The following NAALADL2 variants were observed in gnomAD, a reference collection of about 807,000 sequenced individuals.
NAALADL2 encodes N-acetylated alpha-linked acidic dipeptidase like 2.
In NAALADL2, 76 loss-of-function variants were observed where a neutral mutation model predicts 87.2. That is an observed-to-expected ratio of 0.87 (90% CI 0.72 to 1.05). NAALADL2 has a LOEUF of 1.05. Among genes scored for constraint, NAALADL2 ranks in the 50% least tolerant of loss-of-function variants. The pLI, the probability that NAALADL2 is intolerant of heterozygous loss-of-function variation, is 0.00. For missense variants in NAALADL2, 1,089 were observed against 945.8 expected (o/e 1.15, Z -1.99); for synonymous variants, 354 against 331.0 (o/e 1.07, Z -0.75).
chr3:175,088,350 G>A (rs9855663), intron 1 of NAALADL2, among the ~76,000 whole-genome samples: 28,180 of 152,114 alleles, frequency 0.19, 2,702 homozygotes, highest in East Asian at 0.32. Context: ...GACATACTGT[G>A]CAAATGTGTT....
chr3:174,912,308 AT>A lies in NAALADL2; in HGVS notation c.43+52869del, dbSNP rs879309442. Among the ~76,000 whole-genome samples, 569 of 148,736 alleles carry A rather than the reference AT, an allele frequency of 3.8e-3. 4 individuals are homozygous for A. The highest frequency in any genetic ancestry group is 0.031 in the Middle Eastern group (9 of 286). ...ATGTCAACATGGATCCATGTTTTAA[AT>A]TTTTTTTTTTCTTTGAAAAAGCTCT... On this transcript the variant is annotated intron_variant, in intron 1 of 13. Coordinates refer to ENST00000454872, the MANE Select transcript of NAALADL2 (RefSeq NM_207015.3).
chr3:174,686,084 G>A (rs1728010068), intron 2 of NAALADL2, among the ~76,000 whole-genome samples: 1 of 151,960 alleles, frequency 6.6e-6, no homozygotes, highest in South Asian at 2.1e-4. Flanking sequence ...GGGCATTTAG[G>A]TTGATTCCAT....
chr3:175,303,208 G>GCC (rs773545604), intron 4 of NAALADL2, among the ~76,000 whole-genome samples: 4 of 151,896 alleles, frequency 2.6e-5, no homozygotes, highest in Non-Finnish European at 5.9e-5. Context: ...TAAATTTTTG[G>GCC]CCCCAGAAAT....
rs749843735 is a variant in NAALADL2, at chr3:175,324,197, G to A, written c.962G>A (p.Gly321Glu). The change falls in exon 5 of 14, where the codon GGA becomes GAA. Residue 321 changes from glycine to glutamate, a missense_variant. Gly to Glu is a moderately conservative substitution (Grantham distance 98). Transcript: ENST00000454872. ...TAGCTTTCCTCATTGGAAAAGGCTG[G>A]ATTTGGAGGTGTTCTTCTGTATATC... Reference protein sequence around the residue: ...LYKLSSLEKAGFGGVLLYIDP... With the variant: ...LYKLSSLEKAEFGGVLLYIDP... 63 of 1,613,214 alleles carry A rather than the reference G, an allele frequency of 3.9e-5. No individual in the cohort carries two copies. The highest frequency in any genetic ancestry group is 5.0e-5 in the Non-Finnish European group (59 of 1,179,606).
rs536154925 is a variant in NAALADL2, at chr3:175,645,856, A to G, written c.1896+18470A>G. Among the ~76,000 whole-genome samples, 7 of 152,260 alleles carry G rather than the reference A, an allele frequency of 4.6e-5. No individual in the cohort carries two copies. The East Asian group carries it at 1.2e-3, about 25-fold the overall frequency. On this transcript the variant is annotated intron_variant, in intron 11 of 13. Coordinates refer to ENST00000454872, the MANE Select transcript of NAALADL2 (RefSeq NM_207015.3). ...GGGGGTTTCAAAAGTCAATATTCAC[A>G]TTCTTTAAAGTAGATAATGATGACT...
chr3:175,071,841 A>G (rs1715702215), intron 1 of NAALADL2, among the ~76,000 whole-genome samples: 1 of 152,064 alleles, frequency 6.6e-6, no homozygotes, highest in South Asian at 2.1e-4. Context: ...TGAAATAACT[A>G]GTTATTTAAT....
chr3:174,756,963 CAAA>C (rs1712177765), intron 3 of NAALADL2, among the ~76,000 whole-genome samples: 4 of 151,942 alleles, frequency 2.6e-5, no homozygotes, highest in Non-Finnish European at 1.5e-5. Flanking sequence ...AAAAACAAAA[CAAA>C]ACAAAACAAA....
chr3:174,913,241 C>T (rs1290200146), intron 1 of NAALADL2, among the ~76,000 whole-genome samples: 4 of 152,088 alleles, frequency 2.6e-5, no homozygotes, highest in Admixed American at 6.6e-5. Context: ...TACATAATTG[C>T]TAAACCCTTC....
At chr3:175,110,988 C>T (rs933729243) in intron 2 of NAALADL2, among the ~76,000 whole-genome samples, 1 of 151,574 alleles carries the variant, frequency 6.6e-6, no homozygotes, top group Non-Finnish European at 1.5e-5. Flanking sequence ...TCTAGGATCA[C>T]AACATTACTC....
At position 175,470,161 on chromosome 3, in the gene NAALADL2, G is replaced by T. The variant is rs80284866; in HGVS notation, c.1534-1478G>T. On this transcript the variant is annotated intron_variant, in intron 8 of 13. Coordinates refer to ENST00000454872, the MANE Select transcript of NAALADL2 (RefSeq NM_207015.3). ...GTTTCTTGTTTTTCAAGGCTAAATT[G>T]TATTCCATTGTGTATATATAACACA... Among the ~76,000 whole-genome samples, 1,492 of 152,110 alleles carry T rather than the reference G, an allele frequency of 9.8e-3. 26 individuals carry two copies. Among genetic ancestry groups the T allele is most frequent in the African/African-American group, 0.035 (1,439 of 41,514 alleles).
chr3:175,607,523 T>TA (rs2149661767), intron 10 of NAALADL2, among the ~76,000 whole-genome samples: 1 of 148,730 alleles, frequency 6.7e-6, no homozygotes, highest in South Asian at 2.1e-4. Context: ...GCAAAGGCAA[T>TA]AGAGTATACA....
chr3:175,185,630 T>C (rs959265841), intron 2 of NAALADL2, among the ~76,000 whole-genome samples: 2 of 151,620 alleles, frequency 1.3e-5, no homozygotes, highest in African/African-American at 4.8e-5. Context: ...TCTAGAATAG[T>C]GGTTATCTTT....
intron 1 of NAALADL2, among the ~76,000 whole-genome samples, chr3:174,893,087 C>T (rs747036113): frequency 6.6e-6 from 1 of 152,096 alleles, no homozygotes; most frequent in Non-Finnish European, 1.5e-5. Context: ...AGTGGACCTC[C>T]AATATGTCTG....
intron 2 of NAALADL2, among the ~76,000 whole-genome samples, chr3:174,650,064 TAAC>T (rs1334265869): frequency 1.3e-5 from 2 of 152,154 alleles, no homozygotes; most frequent in African/African-American, 2.4e-5. Flanking sequence ...ATAGCTATGA[TAAC>T]AAATGTTTTA....
intron 2 of NAALADL2, among the ~76,000 whole-genome samples, chr3:175,118,495 C>T (rs1265595360): frequency 2.6e-5 from 4 of 151,622 alleles, no homozygotes; most frequent in East Asian, 1.9e-4. Context: ...AGATGATGTG[C>T]TTTAATGAGA....
intron 3 of NAALADL2, among the ~76,000 whole-genome samples, chr3:174,835,722 T>C (rs1049281331): frequency 6.6e-6 from 1 of 152,160 alleles, no homozygotes; most frequent in Non-Finnish European, 1.5e-5. Context: ...TTAACGAAGA[T>C]ATACAAATGA....
intron 3 of NAALADL2, among the ~76,000 whole-genome samples, chr3:174,796,908 G>A (rs191388739): frequency 3.3e-5 from 5 of 151,958 alleles, no homozygotes; most frequent in African/African-American, 9.7e-5. Context: ...TTTGCAGGTT[G>A]TCTTTTCACT....
At chr3:175,067,491 A>G (rs1309232252) in intron 1 of NAALADL2, among the ~76,000 whole-genome samples, 1 of 152,170 alleles carries the variant, frequency 6.6e-6, no homozygotes, top group Non-Finnish European at 1.5e-5. Context: ...TATGAAAACA[A>G]TGCTCAACAT....
rs187264315 is a variant in NAALADL2 at position 174,706,374 on chromosome 3, A to G, written c.-114-31267A>G. 5.8e-3 allele frequency among the ~76,000 whole-genome samples: 888 copies of G among 152,308 alleles called. 7 individuals carry two copies. Among genetic ancestry groups the G allele is most frequent in the African/African-American group, 0.013 (543 of 41,562 alleles). On this transcript the variant is annotated intron_variant, in intron 2 of 3. Transcript: ENST00000434257. Reference sequence around the variant, plus strand: ...ATTTGAAGGAAAACATAACAGTAGAAATCCTCATGATTTTGGGATCTACAG... The same window carrying G: ...ATTTGAAGGAAAACATAACAGTAGAGATCCTCATGATTTTGGGATCTACAG...
Sources: gnomAD v4.1 joint callset for allele counts (sites outside exome capture counted in the v4.1 genomes callset) on GRCh38, gnomAD v4.1.1 for gene constraint, MANE v1.5 for transcripts, NCBI Gene and HGNC (gene_info 2026-07-23, HGNC 2026-07-21) for gene names.